Variants in ERG observed in about 807,000 individuals in gnomAD.
ERG encodes the protein ETS transcription factor ERG, also known as transcriptional regulator ERG.
ERG carries 9 observed loss-of-function variants against 55.3 expected under a neutral mutation model. The ratio of observed to expected loss-of-function variants is 0.16; its 90% CI spans 0.10 to 0.28. The LOEUF is 0.28. ERG is among the 10% of genes least tolerant of loss of function. The pLI is 1.00. For synonymous variants in ERG, 223 were observed against 237.3 expected (o/e 0.94, Z 0.55); for missense variants, 434 against 631.6 (o/e 0.69, Z 3.35).
chr21:38,453,632 C>T (rs1305661483), intron 1 of ERG, among the ~76,000 whole-genome samples: 1 of 152,070 alleles, frequency 6.6e-6, no homozygotes, highest in Non-Finnish European at 1.5e-5. Flanking sequence ...CCAGTAATCC[C>T]AGCATTTTGG....
At chr21:38,484,267 G>A (rs927467697) in intron 1 of ERG, among the ~76,000 whole-genome samples, 9 of 152,096 alleles carry the variant, frequency 5.9e-5, no homozygotes, top group African/African-American at 1.9e-4. Context: ...GCCCGGTCGG[G>A]GTTCTATAGA....
intron 1 of ERG, among the ~76,000 whole-genome samples, chr21:38,490,617 CT>C (rs1024831874): frequency 2.6e-5 from 4 of 152,236 alleles, no homozygotes; most frequent in Non-Finnish European, 4.4e-5. Context: ...GATAGGGGCA[CT>C]GCTGTTAGCT....
At chr21:38,623,619 TTG>T (rs1414031988) in intron 1 of ERG, among the ~76,000 whole-genome samples, 3 of 152,216 alleles carry the variant, frequency 2.0e-5, no homozygotes, top group African/African-American at 7.2e-5. Context: ...GTGTGTTAGT[TTG>T]TTGCAGGCGT....
intron 1 of ERG, among the ~76,000 whole-genome samples, chr21:38,485,697 A>G (rs2059277982): frequency 6.6e-6 from 1 of 151,748 alleles, no homozygotes; most frequent in African/African-American, 2.4e-5. Flanking sequence ...TGACCTCGTG[A>G]TCCGCCCACC....
At chr21:38,392,174 A>AT (rs1798724284) in intron 7 of ERG, 1 of 673,618 alleles carries the variant, frequency 1.5e-6, no homozygotes, top group African/African-American at 1.8e-5. Context: ...TCATTCCTTT[A>AT]TTTTTGTTAT....
At chr21:38,518,777 A>G (rs1055139600) in intron 2 of ERG, among the ~76,000 whole-genome samples, 1 of 152,126 alleles carries the variant, frequency 6.6e-6, no homozygotes, top group Admixed American at 6.6e-5. Context: ...AGACTAATAA[A>G]TTGAACTGCA....
intron 2 of ERG, among the ~76,000 whole-genome samples, chr21:38,429,324 A>G (rs1048787738): frequency 2.6e-5 from 4 of 151,926 alleles, no homozygotes; most frequent in South Asian, 2.1e-4. Flanking sequence ...ACATATACAC[A>G]TATATGTATA....
intron 1 of ERG, among the ~76,000 whole-genome samples, chr21:38,465,688 C>T (rs939289906): frequency 1.3e-5 from 2 of 152,108 alleles, no homozygotes; most frequent in South Asian, 2.1e-4. Context: ...ATCTTCCTCT[C>T]GGGTTTGCTG....
At chr21:38,413,366 C>T (rs1336104205) in intron 3 of ERG, among the ~76,000 whole-genome samples, 1 of 152,212 alleles carries the variant, frequency 6.6e-6, no homozygotes, top group African/African-American at 2.4e-5. Flanking sequence ...GCCCTCTCTG[C>T]ATACTTTTTA....
intron 2 of ERG, among the ~76,000 whole-genome samples, chr21:38,552,160 A>G (rs2059828414): frequency 6.6e-6 from 1 of 152,098 alleles, no homozygotes. Context: ...GAACAGACCA[A>G]TAACGAATTA....
At chr21:38,376,494 A>G (rs1272083871), downstream of ERG, among the ~76,000 whole-genome samples, 1 of 152,222 alleles carries the variant, frequency 6.6e-6, no homozygotes, top group East Asian at 1.9e-4. Flanking sequence ...CATCAGTGAA[A>G]GGGTGGAAGT....
intron 6 of ERG, among the ~76,000 whole-genome samples, chr21:38,399,776 G>A (rs1988401488): frequency 6.6e-6 from 1 of 152,130 alleles, no homozygotes; most frequent in African/African-American, 2.4e-5. Flanking sequence ...TGCTAGAAGT[G>A]GTTCCTCTAC....
intron 1 of ERG, among the ~76,000 whole-genome samples, chr21:38,626,900 T>A (rs2060327901): frequency 6.6e-6 from 1 of 152,194 alleles, no homozygotes; most frequent in Non-Finnish European, 1.5e-5. Context: ...AATTTTGTAT[T>A]CATTTTACTT....
chr21:38,592,080 A>T (rs182614378), intron 1 of ERG, among the ~76,000 whole-genome samples: 18 of 152,234 alleles, frequency 1.2e-4, no homozygotes, highest in African/African-American at 4.1e-4. Context: ...GGAAGGTGGG[A>T]CCCCACTGTC....
chr21:38,425,221 TA>T lies in ERG; in HGVS notation c.237-1661del, dbSNP rs1423928879. Among the ~76,000 whole-genome samples, 8 of 152,100 alleles carry T rather than the reference TA, an allele frequency of 5.3e-5. No individual in the cohort carries two copies. In the East Asian group the frequency reaches 1.6e-3, roughly 29 times the overall value. ...CAACATGGAGAAACCCAGTCTTTAC[TA>T]AAAATACAAAATTAGCTGGGCAAGT... On this transcript the variant is annotated intron_variant, in intron 2 of 9. Transcript: ENST00000288319.
At chr21:38,463,885 C>A (rs1208484259) in intron 1 of ERG, among the ~76,000 whole-genome samples, 1 of 152,230 alleles carries the variant, frequency 6.6e-6, no homozygotes, top group Non-Finnish European at 1.5e-5. Flanking sequence ...TGTATTCCCA[C>A]TTCCCGTATC....
chr21:38,546,869 C>T (rs1180874430), intron 2 of ERG, among the ~76,000 whole-genome samples: 1 of 152,222 alleles, frequency 6.6e-6, no homozygotes, highest in African/African-American at 2.4e-5. Flanking sequence ...GTTGACCTCC[C>T]TCAGCTGAAT....
chr21:38,606,971 T>G (rs920128747), intron 1 of ERG, among the ~76,000 whole-genome samples: 15 of 152,182 alleles, frequency 9.9e-5, no homozygotes, highest in African/African-American at 3.1e-4. Context: ...AAAATAAACA[T>G]AATTAAATCC....
intron 2 of ERG, among the ~76,000 whole-genome samples, chr21:38,558,272 C>T (rs1011500176): frequency 6.6e-6 from 1 of 152,158 alleles, no homozygotes; most frequent in Non-Finnish European, 1.5e-5. Flanking sequence ...ACCTTCTGTC[C>T]AAACTGAGAT....
Sources: gnomAD v4.1 joint callset for allele counts (sites outside exome capture counted in the v4.1 genomes callset) on GRCh38, gnomAD v4.1.1 for gene constraint, MANE v1.5 for transcripts, NCBI Gene and HGNC (gene_info 2026-07-23, HGNC 2026-07-21) for gene names.